Variants in REDIC1 observed in about 807,000 individuals in gnomAD.
REDIC1 encodes regulator of DNA class I crossover intermediates 1, also known as HEI10 Interacting Protein 1.
the REDIC1 span, among the ~76,000 whole-genome samples, chr12:39,661,474 A>C: frequency 1.3e-5 from 2 of 151,620 alleles, no homozygotes; most frequent in Non-Finnish European, 2.9e-5. Context: ...AAGTGTCTAT[A>C]TCCTTTGCCC....
chr12:39,755,811 T>C, the REDIC1 span: 2 of 152,044 alleles, frequency 1.3e-5, no homozygotes, highest in African/African-American at 2.4e-5. Flanking sequence ...CATATAAAGA[T>C]TTACATAAAT....
chr12:39,809,440 A>G, the REDIC1 span, among the ~76,000 whole-genome samples: 1 of 152,148 alleles, frequency 6.6e-6, no homozygotes, highest in Non-Finnish European at 1.5e-5. Context: ...AGAACTGTTT[A>G]TAGGGATTAT....
the REDIC1 span, among the ~76,000 whole-genome samples, chr12:39,905,143 G>T: frequency 6.6e-6 from 1 of 152,128 alleles, no homozygotes; most frequent in Non-Finnish European, 1.5e-5. Context: ...AGAGTAACTT[G>T]CTGGTCCTAC....
chr12:39,776,421 C>T, the REDIC1 span, among the ~76,000 whole-genome samples: 2 of 152,308 alleles, frequency 1.3e-5, no homozygotes, highest in Non-Finnish European at 2.9e-5. Context: ...CAACAGCCTG[C>T]CCAGTGCCCT....
the REDIC1 span, among the ~76,000 whole-genome samples, chr12:39,678,089 A>G: frequency 6.9e-6 from 1 of 144,544 alleles, no homozygotes; most frequent in East Asian, 2.0e-4. Context: ...AAATATAAAG[A>G]TCAGAGCAGA....
chr12:39,679,304 T>G, the REDIC1 span, among the ~76,000 whole-genome samples: 270 of 152,244 alleles, frequency 1.8e-3, no homozygotes, highest in African/African-American at 6.1e-3. Flanking sequence ...ATGGACTCAG[T>G]AAAGTTTCAG....
the REDIC1 span, among the ~76,000 whole-genome samples, chr12:39,848,956 G>C: frequency 6.6e-6 from 1 of 152,124 alleles, no homozygotes; most frequent in African/African-American, 2.4e-5. Context: ...TCACTTATAA[G>C]TGGGAGCTAA....
chr12:39,709,691 A>C, the REDIC1 span, among the ~76,000 whole-genome samples: 2 of 151,682 alleles, frequency 1.3e-5, no homozygotes, highest in African/African-American at 4.8e-5. Context: ...TTCGTTGCTG[A>C]ATAGTATTCA....
chr12:39,725,461 CAT>C, the REDIC1 span, among the ~76,000 whole-genome samples: 1 of 152,062 alleles, frequency 6.6e-6, no homozygotes, highest in Non-Finnish European at 1.5e-5. Flanking sequence ...TCCTATTTCT[CAT>C]ATGTCTTTAG....
At chr12:39,700,211 A>G in the REDIC1 span, among the ~76,000 whole-genome samples, 2 of 152,172 alleles carry the variant, frequency 1.3e-5, no homozygotes, top group African/African-American at 2.4e-5. Context: ...AGAAGAATGT[A>G]TAACTAGAAT....
the REDIC1 span, among the ~76,000 whole-genome samples, chr12:39,698,406 T>C: frequency 7.0e-5 from 4 of 56,994 alleles, no homozygotes; most frequent in Non-Finnish European, 1.6e-4. Context: ...AGTTGGAGAC[T>C]TCAACATTCC....
At chr12:39,857,375 G>A in the REDIC1 span, among the ~76,000 whole-genome samples, 109 of 152,218 alleles carry the variant, frequency 7.2e-4, no homozygotes, top group Non-Finnish European at 1.4e-3. Context: ...GTGAGGTTTC[G>A]GATCCTATAT....
At chr12:39,820,746 TATATATA>T in the REDIC1 span, among the ~76,000 whole-genome samples, 1 of 8,692 alleles carries the variant, frequency 1.2e-4, no homozygotes, top group Non-Finnish European at 1.8e-4. Flanking sequence ...TATATATATA[TATATATA>T]TATATATATA....
chr12:39,767,269 A>G, the REDIC1 span, among the ~76,000 whole-genome samples: 1 of 150,828 alleles, frequency 6.6e-6, no homozygotes, highest in Non-Finnish European at 1.5e-5. Context: ...GACCAGTGTC[A>G]TTGTCAATCA....
chr12:39,807,825 A>G, the REDIC1 span, among the ~76,000 whole-genome samples: 1 of 152,150 alleles, frequency 6.6e-6, no homozygotes, highest in Non-Finnish European at 1.5e-5. Flanking sequence ...AACTTTTAAT[A>G]ATCGTACCAG....
At chr12:39,677,332 G>T in the REDIC1 span, among the ~76,000 whole-genome samples, 8 of 152,010 alleles carry the variant, frequency 5.3e-5, no homozygotes, top group African/African-American at 1.9e-4. Context: ...AGCAAAAACA[G>T]TTAAAAAAGA....
chr12:39,839,678 T>G, the REDIC1 span, among the ~76,000 whole-genome samples: 1 of 152,192 alleles, frequency 6.6e-6, no homozygotes, highest in East Asian at 1.9e-4. Flanking sequence ...TCTCCTTTGC[T>G]TCTGTTCTGG....
the REDIC1 span, among the ~76,000 whole-genome samples, chr12:39,722,820 C>G: frequency 3.3e-5 from 5 of 152,122 alleles, no homozygotes; most frequent in Non-Finnish European, 7.4e-5. Flanking sequence ...GCGGTATTGC[C>G]TTTACTCTTG....
At chr12:39,666,602 C>G in the REDIC1 span, among the ~76,000 whole-genome samples, 2 of 152,250 alleles carry the variant, frequency 1.3e-5, no homozygotes, top group Admixed American at 6.5e-5. Flanking sequence ...GGGAGGATTC[C>G]CTCTTTTTCT....
Sources: allele counts gnomAD v4.1 joint callset (sites outside exome capture counted in the v4.1 genomes callset), GRCh38; gene constraint gnomAD v4.1.1; transcripts MANE v1.5; gene names NCBI Gene and HGNC (gene_info 2026-07-23, HGNC 2026-07-21).